ZNF615: variants seen among roughly 807,000 people sequenced by gnomAD.
The protein encoded by ZNF615 is zinc finger protein 615.
A neutral mutation model predicts 15.3 loss-of-function variants in ZNF615; 15 were observed. The observed-to-expected ratio is 0.98, with a 90% CI of 0.66 to 1.51. The LOEUF (loss-of-function observed/expected upper bound fraction) is 1.51, where lower values mean the gene tolerates loss of function less well. Among genes scored for constraint, ZNF615 ranks in the 40% most tolerant of loss-of-function variants. The probability of loss-of-function intolerance (pLI) is 0.00; values close to 1 mark genes in which losing one functional copy is unlikely to be tolerated. For synonymous variants in ZNF615, 268 were observed against 294.6 expected (o/e 0.91, Z 0.92); for missense variants, 848 against 895.9 (o/e 0.95, Z 0.68).
chr19:52,007,232 C>T (rs1396175100), intron 2 of ZNF615, 61 bp downstream of exon 2: 5 of 981,620 alleles, frequency 5.1e-6, no homozygotes, highest in Non-Finnish European at 7.0e-6. Flanking sequence ...ATAACATACA[C>T]GTCTAAAATT....
rs2086232488 is a variant in ZNF615, at chr19:51,991,465, C to A, written c.*1415G>T. ...ATAGATTATTAGTGGCCAATAAAAA[C>A]AGAACAATGATATGCAGAACAACTT... is the stretch of plus-strand genomic sequence containing the variant. On this transcript the variant is annotated 3_prime_UTR_variant, in exon 7 of 7. Coordinates refer to ENST00000598071, the MANE Select transcript of ZNF615 (RefSeq NM_001199324.2). 6.6e-6 allele frequency: 1 copy of A among 152,154 alleles called. No homozygotes were observed. Among genetic ancestry groups the A allele is most frequent in the South Asian group, 2.1e-4 (1 of 4,828 alleles). The allele number at this position is 152,154 out of a possible 1,614,324, so 9.4% of individuals were successfully genotyped here.
In ZNF615 at chr19:51,994,707, C is replaced by T. The variant is rs1355633538; in HGVS notation, c.402G>A (p.Leu134=). Residue 134 remains leucine (L), a synonymous_variant, in exon 7 of 7, where the codon CTG becomes CTA. Coordinates refer to ENST00000598071, the MANE Select transcript of ZNF615 (RefSeq NM_001199324.2). ...IVNQNKGHFL[L]KQDCDTFDLH... is the part of the protein sequence containing the mutation. ...AGTCAAACGTATCACAATCTTGCTTCAGCAGGAAATGACCTTTGTTCTGAT... is the reference window on the plus strand; with the variant it reads ...AGTCAAACGTATCACAATCTTGCTTTAGCAGGAAATGACCTTTGTTCTGAT... 6.2e-7 allele frequency: 1 copy of T among 1,613,698 alleles called. No homozygotes were observed. The highest frequency in any genetic ancestry group is 1.1e-5 in the South Asian group (1 of 91,066).
At chr19:51,998,376 C>T (rs1333436057) in intron 6 of ZNF615, among the ~76,000 whole-genome samples, 2 of 152,276 alleles carry the variant, frequency 1.3e-5, no homozygotes, top group Non-Finnish European at 2.9e-5. Flanking sequence ...AGGGAGCCTA[C>T]ACGTGTTCAT....
rs2086332811 is a variant in ZNF615 at position 51,993,931 on chromosome 19, G to C, written c.1178C>G (p.Thr393Ser). Residue 393 changes from threonine to serine, a missense_variant, in exon 7 of 7, where the codon ACC becomes AGC. Thr to Ser is a moderately conservative substitution (Grantham distance 58). Coordinates refer to ENST00000598071, the MANE Select transcript of ZNF615 (RefSeq NM_001199324.2). ...FICNKCGKGFTLKNSLITHQQ... is the reference protein window; with the variant it reads ...FICNKCGKGFSLKNSLITHQQ... ...ATGTGTGATAAGACTGTTCTTCAAG[G>C]TGAAGCCTTTCCCACATTTATTGCA... The C allele has an allele frequency of 6.2e-7, 1 of 1,613,974 alleles. No individual in the cohort carries two copies.
intron 2 of ZNF615, among the ~76,000 whole-genome samples, chr19:52,006,136 C>T (rs1262977123): frequency 6.6e-6 from 1 of 152,076 alleles, no homozygotes; most frequent in African/African-American, 2.4e-5. Context: ...CTTGATTTTT[C>T]ATAGGGAAAA....
In ZNF615 at chr19:51,992,896, C is replaced by T. The variant is rs16983353; in HGVS notation, c.2213G>A (p.Arg738Lys). The change falls in exon 7 of 7, where the codon AGG (arginine) becomes AAG (lysine). Residue 738 changes from arginine (R) to lysine (K), a missense_variant. Physicochemically the swap from Arg to Lys is conservative, Grantham distance 26 (BLOSUM62 2). Coordinates refer to ENST00000598071, the MANE Select transcript of ZNF615 (RefSeq NM_001199324.2). ...CCAAAATGACTACCTGTGAATTCTCCTGTGTTTAACAAGGATAGACAAGTG... is the reference window on the plus strand; with the variant it reads ...CCAAAATGACTACCTGTGAATTCTCTTGTGTTTAACAAGGATAGACAAGTG... ...FAHLSILVKH[R>K]RIHR 0.32 allele frequency: 510,382 copies of T among 1,613,396 alleles called. 87,714 individuals carry two copies. The highest frequency in any genetic ancestry group is 0.59 in the African/African-American group (43,977 of 74,908).
chr19:51,993,946 C>A lies in ZNF615; in HGVS notation c.1163G>T (p.Cys388Phe), dbSNP rs371446307. 3.1e-6 allele frequency: 5 copies of A among 1,614,124 alleles called. No individual in the cohort carries two copies. The highest frequency in any genetic ancestry group is 1.1e-5 in the South Asian group (1 of 91,078). ...GTTCTTCAAGGTGAAGCCTTTCCCA[C>A]ATTTATTGCATATAAAGGGTTTCTC... Reference protein sequence around the residue: ...TGEKPFICNKCGKGFTLKNSL... With the variant: ...TGEKPFICNKFGKGFTLKNSL... Residue 388 changes from cysteine to phenylalanine, a missense_variant, in exon 7 of 7, where the codon TGT becomes TTT. Physicochemically the swap from Cys to Phe is radical, Grantham distance 205. Transcript: ENST00000598071.
chr19:52,002,403 C>T (rs1236594661), intron 3 of ZNF615, 122 bp from the exon 4 acceptor site: 2 of 1,361,822 alleles, frequency 1.5e-6, no homozygotes. Flanking sequence ...TTTCTTAGTA[C>T]ATTTTGACAG....
intron 6 of ZNF615, among the ~76,000 whole-genome samples, chr19:51,995,847 A>T (rs1433775799): frequency 6.6e-6 from 1 of 152,120 alleles, no homozygotes; most frequent in Non-Finnish European, 1.5e-5. Context: ...GATTACAGAC[A>T]TGAGCCACTG....
Position 51,996,385 on chromosome 19 carries a change from C to CAA in ZNF615, c.272-1550_272-1549dup, listed in dbSNP as rs1172310589. Among the ~76,000 whole-genome samples the CAA allele has an allele frequency of 9.5e-3, 299 of 31,358 alleles. 1 individual carries two copies. Among genetic ancestry groups the CAA allele is most frequent in the Middle Eastern group, 0.053 (2 of 38 alleles). 20.6% of individuals were successfully genotyped at this position (31,358 alleles called of 152,430 possible). ...GGGGTGACACAGCAAGACTCTGTCT[C>CAA]AAAAAAAAAAAAAAAAAAAAAAACG... On this transcript the variant is annotated intron_variant, in intron 6 of 6. Transcript: ENST00000598071.
At chr19:52,002,056 T>C (rs2086612863) in intron 4 of ZNF615, 99 bp downstream of exon 4, 1 of 1,611,990 alleles carries the variant, frequency 6.2e-7, no homozygotes, top group Non-Finnish European at 8.5e-7. Context: ...AAGAGAATGA[T>C]GTGAGAATCT....
At position 52,002,167 on chromosome 19, in the gene ZNF615, G is replaced by C; in HGVS notation, c.130C>G (p.Leu44Val). ...RDVMLENYSN[L>V]VAVGYQASKP... ...CAGCTGTCCTCACCCACTGCCACCA[G>C]GTTGCTGTAGTTCTCCAACATCACG... is the stretch of plus-strand genomic sequence containing the variant. The change falls in exon 4 of 7, where the codon CTG (leucine) becomes GTG (valine). Residue 44 changes from leucine (L) to valine (V), a missense_variant. Coordinates refer to ENST00000598071, the MANE Select transcript of ZNF615 (RefSeq NM_001199324.2). The C allele has an allele frequency of 6.2e-7, 1 of 1,614,158 alleles. No homozygotes were observed. The highest frequency in any genetic ancestry group is 2.2e-5 in the East Asian group (1 of 44,872).
chr19:52,007,537 A>G (rs937185598), intron 1 of ZNF615, among the ~76,000 whole-genome samples: 3 of 152,206 alleles, frequency 2.0e-5, no homozygotes, highest in African/African-American at 7.2e-5. Context: ...TCTTGGGCAG[A>G]AGGGGAATGC....
chr19:52,001,447 G>A (rs890878166), intron 5 of ZNF615, among the ~76,000 whole-genome samples: 1 of 151,790 alleles, frequency 6.6e-6, no homozygotes, highest in Non-Finnish European at 1.5e-5. Flanking sequence ...GTGAAACCCC[G>A]TTTCTACTAA....
intron 6 of ZNF615, among the ~76,000 whole-genome samples, chr19:51,995,613 G>T (rs1308536332): frequency 6.7e-6 from 1 of 149,164 alleles, no homozygotes; most frequent in Non-Finnish European, 1.5e-5. Context: ...ACCAAGGCTG[G>T]AGTGCAGTGG....
rs1202386694 is a variant in ZNF615 at position 51,993,239 on chromosome 19, T to C, written c.1870A>G (p.Ile624Val). ...KGFTMKSTLS[I>V]HQQTHTGEKP... ...TCTCCAGTATGAGTTTGCTGATGTA[T>C]ACTGAGAGTACTCTTCATGGTGAAG... The change falls in exon 7 of 7, where the codon ATA becomes GTA. Residue 624 changes from isoleucine to valine, a missense_variant. By Grantham distance (29) the Ile-to-Val change is conservative (BLOSUM62 3). Coordinates refer to ENST00000598071, the MANE Select transcript of ZNF615 (RefSeq NM_001199324.2). 3 of 1,614,182 alleles carry C rather than the reference T, an allele frequency of 1.9e-6. No homozygotes were observed. The highest frequency in any genetic ancestry group is 2.2e-5 in the East Asian group (1 of 44,876).
Position 51,993,180 on chromosome 19 carries a change from G to A in ZNF615, c.1929C>T (p.Thr643=), listed in dbSNP as rs772647971. Residue 643 remains threonine, a synonymous_variant, in exon 7 of 7, where the codon ACC becomes ACT. Transcript: ENST00000598071. ...GTATGAGGCATGTCTTCTTCCTGAAGGTTTTATCACATTCATTGCATTTGT... is the reference window on the plus strand; with the variant it reads ...GTATGAGGCATGTCTTCTTCCTGAAAGTTTTATCACATTCATTGCATTTGT... ...KPYKCNECDK[T]FRKKTCLIQH... 1 of 1,614,160 alleles carries A rather than the reference G, an allele frequency of 6.2e-7. No homozygotes were observed. Among genetic ancestry groups the A allele is most frequent in the Non-Finnish European group, 8.5e-7 (1 of 1,180,016 alleles).
At chr19:51,997,501 A>C (rs1481826740) in intron 6 of ZNF615, among the ~76,000 whole-genome samples, 1 of 135,786 alleles carries the variant, frequency 7.4e-6, no homozygotes, top group Non-Finnish European at 1.5e-5. Context: ...CCAACTAATG[A>C]CCTAACTGGA....
chr19:51,993,860 C>T lies in ZNF615; in HGVS notation c.1249G>A (p.Gly417Arg). The T allele has an allele frequency of 6.2e-7, 1 of 1,614,148 alleles. No homozygotes were observed. Among genetic ancestry groups the T allele is most frequent in the Non-Finnish European group, 8.5e-7 (1 of 1,180,028 alleles). The change falls in exon 7 of 7, where the codon GGA becomes AGA. Residue 417 changes from glycine (G) to arginine (R), a missense_variant. Transcript: ENST00000598071. ...GEKLYTCSEC[G>R]KGFSMKHCLM... ...CAGTGCTTCATTGAAAAGCCTTTTC[C>T]ACATTCACTACATGTATATAATTTC...
Sources: allele counts gnomAD v4.1 joint callset (sites outside exome capture counted in the v4.1 genomes callset), GRCh38; gene constraint gnomAD v4.1.1; transcripts MANE v1.5; gene names NCBI Gene and HGNC (gene_info 2026-07-23, HGNC 2026-07-21).